CNTNAP4: variants seen among roughly 807,000 people sequenced by gnomAD.
The protein encoded by CNTNAP4 is contactin-associated protein-like 4.
A neutral mutation model predicts 148.4 loss-of-function variants in CNTNAP4; 98 were observed. That is an observed-to-expected ratio of 0.66 (90% CI 0.56 to 0.78). CNTNAP4 has a LOEUF of 0.78. CNTNAP4 is among the 30% of genes least tolerant of loss of function. CNTNAP4 has a pLI of 0.00. For missense variants in CNTNAP4, 1,935 were observed against 1,565.6 expected, an observed-to-expected ratio of 1.24 and a Z score of -3.98; for synonymous variants, 730 against 565.1, an observed-to-expected ratio of 1.29 and a Z score of -4.14.
intron 2 of CNTNAP4, among the ~76,000 whole-genome samples, chr16:76,332,530 C>A (rs1236140851): frequency 6.6e-6 from 1 of 152,016 alleles, no homozygotes; most frequent in Non-Finnish European, 1.5e-5. Flanking sequence ...TCCCAAAGTG[C>A]CATTATTATT....
chr16:76,505,216 T>C (rs541139503), intron 15 of CNTNAP4, among the ~76,000 whole-genome samples: 173 of 152,248 alleles, frequency 1.1e-3, no homozygotes, highest in Middle Eastern at 6.8e-3. Context: ...ACCACTCAAA[T>C]GTTTATCAAC....
intron 2 of CNTNAP4, among the ~76,000 whole-genome samples, chr16:76,319,233 T>TA (rs1305441017): frequency 6.6e-6 from 1 of 151,878 alleles, no homozygotes; most frequent in Non-Finnish European, 1.5e-5. Context: ...CTACTACAGA[T>TA]ACAAAAAAGT....
At chr16:76,393,727 G>GCTGGAAAA (rs1175451169) in intron 3 of CNTNAP4, among the ~76,000 whole-genome samples, 1 of 152,086 alleles carries the variant, frequency 6.6e-6, no homozygotes, top group Admixed American at 6.5e-5. Flanking sequence ...TGGGGCAGAG[G>GCTGGAAAA]GTATCCTGGG....
At chr16:76,523,750 T>C (rs527240118) in intron 17 of CNTNAP4, among the ~76,000 whole-genome samples, 17 of 152,118 alleles carry the variant, frequency 1.1e-4, no homozygotes, top group African/African-American at 3.6e-4. Context: ...CACAGCAAGA[T>C]CCATCTCTAC....
chr16:76,494,808 C>G (rs969397757), intron 13 of CNTNAP4, 102 bp from the exon 14 acceptor site: 7 of 1,222,776 alleles, frequency 5.7e-6, no homozygotes, highest in African/African-American at 1.5e-5. Context: ...CTCCTTTTCT[C>G]CTTTTATTCT....
At position 76,536,523 on chromosome 16, in the gene CNTNAP4, T is replaced by C. The variant is rs1001869941; in HGVS notation, c.2995+739T>C. Among the ~76,000 whole-genome samples, 12 of 152,304 alleles carry C rather than the reference T, an allele frequency of 7.9e-5. No individual in the cohort carries two copies. In the East Asian group the frequency reaches 1.7e-3, roughly 22 times the overall value. ...GTTACTATTGTATTTGTTGAAGATATTCAACAATGCAAGGATATTTAAGAT... is the reference window on the plus strand; with the variant it reads ...GTTACTATTGTATTTGTTGAAGATACTCAACAATGCAAGGATATTTAAGAT... On this transcript the variant is annotated intron_variant, in intron 18 of 23. Transcript: ENST00000611870.
chr16:76,340,990 A>C (rs940901598), intron 2 of CNTNAP4, among the ~76,000 whole-genome samples: 1 of 152,244 alleles, frequency 6.6e-6, no homozygotes, highest in Non-Finnish European at 1.5e-5. Flanking sequence ...AGTCAGTCCA[A>C]TTTCTGACAC....
chr16:76,410,226 G>T (rs929019735), intron 3 of CNTNAP4, among the ~76,000 whole-genome samples: 1 of 151,750 alleles, frequency 6.6e-6, no homozygotes, highest in Non-Finnish European at 1.5e-5. Flanking sequence ...CTGGAATAAT[G>T]ATTGTTGATG....
At chr16:76,338,308 G>A (rs775596925) in intron 2 of CNTNAP4, among the ~76,000 whole-genome samples, 15 of 152,140 alleles carry the variant, frequency 9.9e-5, no homozygotes, top group Middle Eastern at 3.2e-3. Flanking sequence ...CGGGGTCCCC[G>A]ACTTCCCATA....
chr16:76,312,731 C>T (rs544877793), intron 1 of CNTNAP4, among the ~76,000 whole-genome samples: 13 of 152,200 alleles, frequency 8.5e-5, no homozygotes, highest in African/African-American at 3.1e-4. Flanking sequence ...TGGACCGCAA[C>T]TCACGTTATA....
At chr16:76,329,982 C>T (rs1329697117) in intron 2 of CNTNAP4, among the ~76,000 whole-genome samples, 10 of 152,158 alleles carry the variant, frequency 6.6e-5, no homozygotes, top group Admixed American at 2.6e-4. Flanking sequence ...GCCAGAGCCT[C>T]GGGAGAAGTG....
intron 4 of CNTNAP4, among the ~76,000 whole-genome samples, chr16:76,433,101 T>C (rs1235930204): frequency 6.6e-6 from 1 of 152,174 alleles, no homozygotes; most frequent in Non-Finnish European, 1.5e-5. Flanking sequence ...CTTCTCCCAA[T>C]CATGACATGC....
chr16:76,548,295 C>CATTTTTTTTTTTTTTTTTTTTTTTT lies in CNTNAP4; in HGVS notation c.3443-4988_3443-4987insATTTTTTTTTTTTTTTTTTTTTTTT, dbSNP rs759580311. 1.1e-4 allele frequency among the ~76,000 whole-genome samples: 10 copies of CATTTTTTTTTTTTTTTTTTTTTTTT among 92,910 alleles called. 2 individuals carry two copies. Among genetic ancestry groups the CATTTTTTTTTTTTTTTTTTTTTTTT allele is most frequent in the East Asian group, 3.6e-4 (1 of 2,776 alleles). The allele number at this position is 92,910 out of a possible 152,430, so 61.0% of individuals were successfully genotyped here. ...CCCTGGCTCTCTTGATTCACTGCAC[C>CATTTTTTTTTTTTTTTTTTTTTTTT]TTTTTTTTTTTTTTTTTTTTTTTTG... On this transcript the variant is annotated intron_variant, in intron 21 of 23. Transcript: ENST00000611870.
intron 11 of CNTNAP4, among the ~76,000 whole-genome samples, chr16:76,476,252 A>C (rs560526943): frequency 2.0e-5 from 3 of 152,230 alleles, no homozygotes; most frequent in African/African-American, 4.8e-5. Flanking sequence ...CATATAGAAG[A>C]TGAAAGGTAG....
rs1958525986 is a variant in CNTNAP4 at position 76,277,630 on chromosome 16, A to G, written c.-33A>G. 1.3e-6 allele frequency: 2 copies of G among 1,515,308 alleles called. No individual in the cohort carries two copies. Among genetic ancestry groups the G allele is most frequent in the Non-Finnish European group, 1.8e-6 (2 of 1,103,152 alleles). 93.9% of individuals were successfully genotyped at this position (1,515,308 alleles called of 1,614,324 possible). A position where few individuals can be genotyped will look rare whatever the true frequency, so the allele number is the denominator to read the frequency against. On this transcript the variant is annotated 5_prime_UTR_variant, in exon 1 of 24. Transcript: ENST00000611870. ...GACTGGAGCGCTCTGAGAGCCTCTC[A>G]AGATCTTTTGGGGGAGCCCAATAAA...
intron 1 of CNTNAP4, among the ~76,000 whole-genome samples, chr16:76,310,435 A>G (rs1204921585): frequency 6.6e-6 from 1 of 152,186 alleles, no homozygotes; most frequent in African/African-American, 2.4e-5. Context: ...ATAGATTGGA[A>G]TAAAATGTTT....
intron 2 of CNTNAP4, among the ~76,000 whole-genome samples, chr16:76,320,573 AAGAT>A (rs1962302469): frequency 6.6e-6 from 1 of 152,158 alleles, no homozygotes. Context: ...TTATCTAGAA[AAGAT>A]AGCTGCATAG....
In CNTNAP4 at chr16:76,559,325, G is replaced by C. The variant is rs1349225819; in HGVS notation, c.*642G>C. Reference sequence around the variant, plus strand: ...TGAATACATTTGGTTTTGAGTCTCAGACTTCAACTCTGAACATACAAGTTG... The same window carrying C: ...TGAATACATTTGGTTTTGAGTCTCACACTTCAACTCTGAACATACAAGTTG... On this transcript the variant is annotated 3_prime_UTR_variant, in exon 24 of 24. Coordinates refer to ENST00000611870, the MANE Select transcript of CNTNAP4 (RefSeq NM_033401.5). The C allele has an allele frequency of 6.6e-6, 1 of 152,080 alleles. No homozygotes were observed. The highest frequency in any genetic ancestry group is 1.5e-5 in the Non-Finnish European group (1 of 67,998). The allele number at this position is 152,080 out of a possible 1,614,324, so 9.4% of individuals were successfully genotyped here. A position where few individuals can be genotyped will look rare whatever the true frequency, so the allele number is the denominator to read the frequency against.
chr16:76,441,607 C>T (rs1332199904), intron 4 of CNTNAP4, among the ~76,000 whole-genome samples: 1 of 152,032 alleles, frequency 6.6e-6, no homozygotes, highest in Admixed American at 6.6e-5. Flanking sequence ...AGCTGACAGA[C>T]ACAGAAAAAG....
Sources: allele counts gnomAD v4.1 joint callset (sites outside exome capture counted in the v4.1 genomes callset), GRCh38; gene constraint gnomAD v4.1.1; transcripts MANE v1.5; gene names NCBI Gene and HGNC (gene_info 2026-07-23, HGNC 2026-07-21).